The following ICA1L variants were observed in gnomAD, a reference collection of about 807,000 sequenced individuals.
The protein encoded by ICA1L is islet cell autoantigen 1-like protein.
A neutral mutation model predicts 61.3 loss-of-function variants in ICA1L; 50 were observed. The ratio of observed to expected loss-of-function variants is 0.82; its 90% CI spans 0.65 to 1.03. The LOEUF (loss-of-function observed/expected upper bound fraction) is 1.03, where lower values mean the gene tolerates loss of function less well. Ranked by LOEUF, ICA1L falls within the 50% of genes least tolerant of loss-of-function variation. The pLI is 0.00. For synonymous variants in ICA1L, 161 were observed against 191.3 expected (o/e 0.84, Z 1.31); for missense variants, 508 against 556.7 (o/e 0.91, Z 0.88).
At chr2:202,838,217 G>C (rs1694208259) in intron 1 of ICA1L, among the ~76,000 whole-genome samples, 1 of 152,128 alleles carries the variant, frequency 6.6e-6, no homozygotes, top group Non-Finnish European at 1.5e-5. Flanking sequence ...TTAGGATCAT[G>C]ATGTTTAATT....
At chr2:202,830,804 A>G (rs1045049704) in intron 1 of ICA1L, among the ~76,000 whole-genome samples, 1 of 152,224 alleles carries the variant, frequency 6.6e-6, no homozygotes, top group Non-Finnish European at 1.5e-5. Context: ...GAGTGGGAAA[A>G]ACAAGAGTAA....
rs1694551960 is a variant in ICA1L at position 202,849,405 on chromosome 2, C to G, written c.-7-20389G>C. ...TGGGTTGAAATTCTCACTGCCAGCA[C>G]AGCAGTCTGAAGTTGATCTGGGACG... is the stretch of plus-strand genomic sequence containing the variant. On this transcript the variant is annotated intron_variant, in intron 1 of 12. Coordinates refer to ENST00000358299, the MANE Select transcript of ICA1L (RefSeq NM_001288622.3). This position sits in a 1 kb window ranked among gnomAD's most constrained non-coding sequence, Gnocchi z 4.5. 6.6e-6 allele frequency among the ~76,000 whole-genome samples: 1 copy of G among 152,196 alleles called. No homozygotes were observed. Among genetic ancestry groups the G allele is most frequent in the Non-Finnish European group, 1.5e-5 (1 of 68,036 alleles).
Position 202,860,472 on chromosome 2 carries a change from G to T in ICA1L, c.-8+11147C>A, listed in dbSNP as rs1233666125. On this transcript the variant is annotated intron_variant, in intron 1 of 12. Coordinates refer to ENST00000358299, the MANE Select transcript of ICA1L (RefSeq NM_001288622.3). ...TGTAATTTAAAAGAAATATACTTTA[G>T]GCTGGGTGCAGTGGCTCACGCCTGT... 2.0e-5 allele frequency among the ~76,000 whole-genome samples: 3 copies of T among 152,178 alleles called. No homozygotes were observed. In the East Asian group the frequency reaches 5.8e-4, roughly 29 times the overall value.
At chr2:202,802,424 T>C (rs1390223078) in intron 9 of ICA1L, among the ~76,000 whole-genome samples, 2 of 152,164 alleles carry the variant, frequency 1.3e-5, no homozygotes, top group Non-Finnish European at 2.9e-5. Flanking sequence ...GAGTCATGCA[T>C]ATTTTATCAC....
At chr2:202,865,854 T>C (rs1394338893) in intron 1 of ICA1L, among the ~76,000 whole-genome samples, 1 of 152,180 alleles carries the variant, frequency 6.6e-6, no homozygotes, top group Non-Finnish European at 1.5e-5. Flanking sequence ...CTCAAACTCC[T>C]GGCCTCAAGT....
intron 1 of ICA1L, among the ~76,000 whole-genome samples, chr2:202,860,513 G>A (rs1420291521): frequency 2.0e-5 from 3 of 152,170 alleles, no homozygotes; most frequent in East Asian, 3.9e-4. Context: ...CAGCACTTTG[G>A]GAGGCCGAGG....
chr2:202,807,695 C>T (rs1693263078), intron 9 of ICA1L, among the ~76,000 whole-genome samples: 1 of 152,068 alleles, frequency 6.6e-6, no homozygotes, highest in African/African-American at 2.4e-5. Flanking sequence ...GTGCAGCTTA[C>T]AGCTCCAGGA....
chr2:202,776,414 C>T lies in ICA1L; in HGVS notation c.*3119G>A, dbSNP rs1300886024. ...AAATATCTATTTTGAGGGTTGTTCT[C>T]AGCCTACCATTGGTTAAGGATAATT... is the stretch of plus-strand genomic sequence containing the variant. On this transcript the variant is annotated 3_prime_UTR_variant, in exon 13 of 13. Transcript: ENST00000358299. 1 of 151,764 alleles carries T rather than the reference C, an allele frequency of 6.6e-6. No individual in the cohort carries two copies. Among genetic ancestry groups the T allele is most frequent in the Non-Finnish European group, 1.5e-5 (1 of 68,036 alleles). 9.4% of individuals were successfully genotyped at this position (151,764 alleles called of 1,614,324 possible). A position where few individuals can be genotyped will look rare whatever the true frequency, so the allele number is the denominator to read the frequency against.
intron 9 of ICA1L, among the ~76,000 whole-genome samples, chr2:202,805,173 A>G (rs1693192317): frequency 6.6e-6 from 1 of 152,202 alleles, no homozygotes; most frequent in African/African-American, 2.4e-5. Flanking sequence ...TCATACAGAC[A>G]AAAAGTACAG....
chr2:202,856,821 T>A (rs1694781836), intron 1 of ICA1L, among the ~76,000 whole-genome samples: 1 of 152,154 alleles, frequency 6.6e-6, no homozygotes, highest in South Asian at 2.1e-4. Context: ...ATCACAAGCA[T>A]TCCTATACAT....
At chr2:202,810,915 T>C (rs1009317836) in intron 9 of ICA1L, among the ~76,000 whole-genome samples, 1 of 152,160 alleles carries the variant, frequency 6.6e-6, no homozygotes, top group Non-Finnish European at 1.5e-5. Flanking sequence ...GCTTAATAAA[T>C]TTTGGTCAGA....
chr2:202,815,768 T>G, intron 7 of ICA1L, 143 bp downstream of exon 7: 1 of 465,348 alleles, frequency 2.1e-6, no homozygotes, highest in Non-Finnish European at 3.7e-6. Context: ...ATTAGGAAAG[T>G]GCTGACCCTT....
chr2:202,809,478 G>A (rs1693315092), intron 9 of ICA1L, among the ~76,000 whole-genome samples: 1 of 152,034 alleles, frequency 6.6e-6, no homozygotes, highest in South Asian at 2.1e-4. Flanking sequence ...GAGAAACCCT[G>A]TCTCTACTAA....
chr2:202,824,535 T>C (rs115053949), intron 3 of ICA1L, among the ~76,000 whole-genome samples: 13 of 152,290 alleles, frequency 8.5e-5, no homozygotes, highest in Non-Finnish European at 1.6e-4. Context: ...TATTGTATTG[T>C]ATTTTTTGTA....
At chr2:202,789,865 C>CTAAA (rs1377088259) in intron 10 of ICA1L, among the ~76,000 whole-genome samples, 34 of 152,332 alleles carry the variant, frequency 2.2e-4, no homozygotes, top group African/African-American at 7.5e-4. Context: ...GTCACTCATG[C>CTAAA]TAAAGTTCCA....
intron 9 of ICA1L, among the ~76,000 whole-genome samples, chr2:202,802,758 C>G (rs1292385096): frequency 6.6e-6 from 1 of 151,744 alleles, no homozygotes; most frequent in Non-Finnish European, 1.5e-5. Flanking sequence ...TGGTAAATCT[C>G]AATTTTTTTA....
intron 5 of ICA1L, 100 bp downstream of exon 5, chr2:202,819,601 T>TA (rs1693638818): frequency 1.1e-6 from 1 of 942,292 alleles, no homozygotes; most frequent in Admixed American, 2.0e-5. Flanking sequence ...TAATGAAACA[T>TA]ATATTTACCA....
At chr2:202,807,654 G>C (rs1693261887) in intron 9 of ICA1L, among the ~76,000 whole-genome samples, 1 of 152,140 alleles carries the variant, frequency 6.6e-6, no homozygotes, top group African/African-American at 2.4e-5. Flanking sequence ...CCAAGGAAGT[G>C]CTTACATCAC....
chr2:202,801,711 C>T (rs892005072), intron 9 of ICA1L, among the ~76,000 whole-genome samples: 2 of 152,116 alleles, frequency 1.3e-5, no homozygotes, highest in Admixed American at 6.5e-5. Context: ...AAGCAGCAAG[C>T]GAAGAAGAAA....
Sources: allele counts gnomAD v4.1 joint callset (sites outside exome capture counted in the v4.1 genomes callset), GRCh38; gene constraint gnomAD v4.1.1; non-coding constraint Gnocchi (gnomAD v3.1); transcripts MANE v1.5; gene names NCBI Gene and HGNC (gene_info 2026-07-23, HGNC 2026-07-21).